Variants in TENM3 observed in about 807,000 individuals in gnomAD.
The protein encoded by TENM3 is teneurin-3.
TENM3 carries 63 observed loss-of-function variants against 255.1 expected under a neutral mutation model. The observed-to-expected ratio is 0.25, with a 90% CI of 0.20 to 0.30. TENM3 has a LOEUF of 0.30. TENM3 is among the 10% of genes least tolerant of loss of function. TENM3 has a pLI of 1.00. For missense variants in TENM3, 2,929 were observed against 3,461.1 expected (o/e 0.85, Z 3.86); for synonymous variants, 1,306 against 1,322.3 (o/e 0.99, Z 0.27).
At chr4:181,881,839 T>C in the TENM3 span, among the ~76,000 whole-genome samples, 1 of 152,190 alleles carries the variant, frequency 6.6e-6, no homozygotes, top group East Asian at 1.9e-4. Flanking sequence ...ACAATTGATA[T>C]ATTTATCTCC....
the TENM3 span, among the ~76,000 whole-genome samples, chr4:181,819,866 C>A: frequency 6.6e-6 from 1 of 152,066 alleles, no homozygotes; most frequent in Non-Finnish European, 1.5e-5. Flanking sequence ...CATTTCCTGG[C>A]CCAGGGGTTG....
the TENM3 span, among the ~76,000 whole-genome samples, chr4:181,940,335 T>A: frequency 6.6e-6 from 1 of 152,158 alleles, no homozygotes; most frequent in Non-Finnish European, 1.5e-5. Flanking sequence ...AAAATACAGA[T>A]GTCCTCTAAA....
the TENM3 span, among the ~76,000 whole-genome samples, chr4:181,579,242 C>T: frequency 1.5e-4 from 23 of 152,032 alleles, no homozygotes; most frequent in Non-Finnish European, 2.8e-4. Context: ...CCGCCCACAT[C>T]AGGGTGCCCT....
At chr4:181,988,750 G>A in the TENM3 span, among the ~76,000 whole-genome samples, 11 of 151,624 alleles carry the variant, frequency 7.3e-5, no homozygotes, top group African/African-American at 2.7e-4. Flanking sequence ...TATTTTCATG[G>A]GTATGATTAT....
At chr4:181,537,604 G>C in the TENM3 span, among the ~76,000 whole-genome samples, 1 of 152,176 alleles carries the variant, frequency 6.6e-6, no homozygotes, top group Non-Finnish European at 1.5e-5. Context: ...GTACTATGTT[G>C]GCAGCTCTTC....
chr4:182,345,317 A>C (rs988364708), intron 2 of TENM3, among the ~76,000 whole-genome samples: 38 of 152,234 alleles, frequency 2.5e-4, no homozygotes, highest in African/African-American at 8.7e-4. Context: ...AAGATTCAAC[A>C]TGGTATCATT....
At chr4:182,149,934 T>G (rs368576173) in intron 1 of TENM3, among the ~76,000 whole-genome samples, 11 of 152,224 alleles carry the variant, frequency 7.2e-5, no homozygotes, top group African/African-American at 2.4e-4. Context: ...GGGGAAGACA[T>G]AGTGCCTGTA....
At chr4:182,170,725 A>G (rs1323019642) in intron 1 of TENM3, among the ~76,000 whole-genome samples, 1 of 152,212 alleles carries the variant, frequency 6.6e-6, no homozygotes, top group Non-Finnish European at 1.5e-5. Context: ...AAAAAACCAC[A>G]AAGCTCCTGT....
chr4:181,935,908 C>A, the TENM3 span, among the ~76,000 whole-genome samples: 1 of 152,268 alleles, frequency 6.6e-6, no homozygotes, highest in Non-Finnish European at 1.5e-5. Context: ...GTTCCGAATG[C>A]ATTTGTTTTA....
At chr4:182,100,534 C>T in the TENM3 span, among the ~76,000 whole-genome samples, 1 of 131,200 alleles carries the variant, frequency 7.6e-6, no homozygotes, top group Admixed American at 7.9e-5. Context: ...TATATACACA[C>T]ATATATATAT....
the TENM3 span, among the ~76,000 whole-genome samples, chr4:181,844,578 G>T: frequency 1.3e-5 from 2 of 151,852 alleles, no homozygotes; most frequent in Non-Finnish European, 2.9e-5. Flanking sequence ...TGAGGCAGGA[G>T]AATGGCGTGA....
chr4:182,601,168 T>C lies in TENM3; in HGVS notation c.749+7T>C, dbSNP rs765056759. On this transcript the variant is annotated splice_region_variant and intron_variant, in intron 4 of 27. Transcript: ENST00000511685. Reference sequence around the variant, plus strand: ...ATGTACCACTGGAAAGCAGGTAACATCTAAAATTTCAAAATAAGCTAGCCC... The same window carrying C: ...ATGTACCACTGGAAAGCAGGTAACACCTAAAATTTCAAAATAAGCTAGCCC... The C allele has an allele frequency of 6.2e-7, 1 of 1,610,062 alleles. No individual in the cohort carries two copies. The highest frequency in any genetic ancestry group is 1.1e-5 in the South Asian group (1 of 90,988).
At chr4:181,616,354 CATATATATCAATAGGATATAT>C in the TENM3 span, among the ~76,000 whole-genome samples, 670 of 132,732 alleles carry the variant, frequency 5.0e-3, 2 homozygotes, top group Middle Eastern at 0.017. Flanking sequence ...CACACGTATG[CATATATATCAATAGGATATAT>C]ATATATATCA....
chr4:182,153,689 C>A (rs1750498503), intron 1 of TENM3, among the ~76,000 whole-genome samples: 1 of 152,112 alleles, frequency 6.6e-6, no homozygotes, highest in Non-Finnish European at 1.5e-5. Context: ...TCAGTTAATT[C>A]TTCTCACATT....
the TENM3 span, among the ~76,000 whole-genome samples, chr4:181,990,915 G>A: frequency 6.6e-6 from 1 of 152,084 alleles, no homozygotes; most frequent in East Asian, 1.9e-4. Flanking sequence ...TTACTAAGGG[G>A]TGCAAGCAAA....
chr4:182,374,850 C>G (rs1767071621), intron 3 of TENM3, among the ~76,000 whole-genome samples: 1 of 152,172 alleles, frequency 6.6e-6, no homozygotes, highest in Non-Finnish European at 1.5e-5. Flanking sequence ...CTCAGGAAAA[C>G]TTAAATTCTC....
At chr4:182,319,943 T>A (rs1454979073) in intron 1 of TENM3, among the ~76,000 whole-genome samples, 1 of 152,078 alleles carries the variant, frequency 6.6e-6, no homozygotes, top group Non-Finnish European at 1.5e-5. Flanking sequence ...TGAAACCCCA[T>A]CTCTACTAAA....
At chr4:181,459,707 T>C in the TENM3 span, among the ~76,000 whole-genome samples, 1 of 151,898 alleles carries the variant, frequency 6.6e-6, no homozygotes, top group Admixed American at 6.6e-5. Flanking sequence ...CATGCCAACA[T>C]CACATCACCA....
the TENM3 span, among the ~76,000 whole-genome samples, chr4:181,956,879 C>G: frequency 6.6e-6 from 1 of 152,174 alleles, no homozygotes; most frequent in African/African-American, 2.4e-5. Context: ...AATTCAAACA[C>G]TTTTCTTATT....
Sources: gnomAD v4.1 joint callset for allele counts (sites outside exome capture counted in the v4.1 genomes callset) on GRCh38, gnomAD v4.1.1 for gene constraint, MANE v1.5 for transcripts, NCBI Gene and HGNC (gene_info 2026-07-23, HGNC 2026-07-21) for gene names.